The following CELF5 variants were observed in gnomAD, a reference collection of about 807,000 sequenced individuals.
The protein encoded by CELF5 is CUG-BP and ETR-3 like factor 5.
CELF5 carries 6 observed loss-of-function variants against 54.9 expected under a neutral mutation model. The observed-to-expected ratio is 0.11, with a 90% CI of 0.06 to 0.22. CELF5 has a LOEUF of 0.22. CELF5 is among the 10% of genes least tolerant of loss of function. The probability of loss-of-function intolerance (pLI) is 1.00; values close to 1 mark genes in which losing one functional copy is unlikely to be tolerated. For synonymous variants in CELF5, 271 were observed against 290.9 expected, an observed-to-expected ratio of 0.93 and a Z score of 0.70; for missense variants, 401 against 678.6, an observed-to-expected ratio of 0.59 and a Z score of 4.54.
chr19:3,263,229 A>G (rs1043314641), intron 2 of CELF5, among the ~76,000 whole-genome samples: 2 of 144,518 alleles, frequency 1.4e-5, no homozygotes, highest in Non-Finnish European at 1.5e-5. Flanking sequence ...CCTGGGCAAC[A>G]GAGCGAGATT....
At position 3,267,574 on chromosome 19, in the gene CELF5, T is replaced by TC. The variant is rs375955237; in HGVS notation, c.343-6296dup. On this transcript the variant is annotated intron_variant, in intron 2 of 12. Coordinates refer to ENST00000292672, the MANE Select transcript of CELF5 (RefSeq NM_021938.4). ...GGACAGTGCGGGGAGGGGCAGAGGG[T>TC]CCAGCTTCTGTCCCTTGGCCAGTGA... Among the ~76,000 whole-genome samples, 113 of 152,204 alleles carry TC rather than the reference T, an allele frequency of 7.4e-4. 1 individual carries two copies. The highest frequency in any genetic ancestry group is 2.6e-3 in the African/African-American group (108 of 41,540).
At chr19:3,242,076 A>C (rs1325782324) in intron 1 of CELF5, among the ~76,000 whole-genome samples, 1 of 152,140 alleles carries the variant, frequency 6.6e-6, no homozygotes, top group Non-Finnish European at 1.5e-5. Context: ...TGCCCGGCCC[A>C]AGGTGGCACT....
chr19:3,259,979 T>C (rs1599430932), intron 2 of CELF5, among the ~76,000 whole-genome samples: 2 of 152,164 alleles, frequency 1.3e-5, no homozygotes, highest in Non-Finnish European at 2.9e-5. Flanking sequence ...GAGCCACATA[T>C]ATAATTTAAC....
At chr19:3,262,464 G>C (rs970009718) in intron 2 of CELF5, among the ~76,000 whole-genome samples, 24 of 152,206 alleles carry the variant, frequency 1.6e-4, no homozygotes, top group Admixed American at 1.6e-3. Context: ...CTGGGTTACA[G>C]AGCACAGATC....
At chr19:3,251,652 C>CTTTTTTTTTTTT (rs1195812856) in intron 2 of CELF5, among the ~76,000 whole-genome samples, 73 of 67,082 alleles carry the variant, frequency 1.1e-3, no homozygotes, top group East Asian at 6.8e-3. Context: ...ACAAGGGCTT[C>CTTTTTTTTTTTT]TTTTTTTTTT....
At position 3,268,655 on chromosome 19, in the gene CELF5, T is replaced by A. The variant is rs2079915987; in HGVS notation, c.343-5217T>A. ...TCATTTGTGGACCCTGGGCTAAGGG[T>A]CTTGGTGGGGAACGGAGGGTCACAA... On this transcript the variant is annotated intron_variant, in intron 2 of 12. Transcript: ENST00000292672. This position sits in a 1 kb window ranked among gnomAD's most constrained non-coding sequence, Gnocchi z 4.4. Among the ~76,000 whole-genome samples, 3 of 151,864 alleles carry A rather than the reference T, an allele frequency of 2.0e-5. No individual in the cohort carries two copies. The highest frequency in any genetic ancestry group is 2.0e-4 in the Admixed American group (3 of 15,258).
In CELF5 at chr19:3,275,754, T is replaced by A; in HGVS notation, c.395-102T>A. On this transcript the variant is annotated intron_variant, in intron 3 of 12. Transcript: ENST00000292672. This position sits in a 1 kb window ranked among gnomAD's most constrained non-coding sequence, Gnocchi z 6.7. ...GAGCCGGCAGGGCCCGGGCGCCGCGTCTTCCTGCCCTGCCGCCTCCACTCT... is the reference window on the plus strand; with the variant it reads ...GAGCCGGCAGGGCCCGGGCGCCGCGACTTCCTGCCCTGCCGCCTCCACTCT... 4 of 1,310,860 alleles carry A rather than the reference T, an allele frequency of 3.1e-6. No homozygotes were observed. The South Asian group carries it at 6.1e-5, about 20-fold the overall frequency. 81.2% of individuals were successfully genotyped at this position (1,310,860 alleles called of 1,614,324 possible). A position where few individuals can be genotyped will look rare whatever the true frequency, so the allele number is the denominator to read the frequency against.
chr19:3,283,406 A>G (rs955610494), intron 8 of CELF5, among the ~76,000 whole-genome samples: 15 of 152,118 alleles, frequency 9.9e-5, no homozygotes, highest in African/African-American at 3.1e-4. Flanking sequence ...GCTGGAGTGC[A>G]GTGGTGTCGT....
chr19:3,290,416 C>G, intron 11 of CELF5, 42 bp downstream of exon 11: 1 of 1,607,584 alleles, frequency 6.2e-7, no homozygotes. Context: ...CCACCTCCCT[C>G]GCCTGCCCCC....
At chr19:3,242,232 G>C (rs766321743) in intron 1 of CELF5, among the ~76,000 whole-genome samples, 8 of 152,158 alleles carry the variant, frequency 5.3e-5, no homozygotes, top group Non-Finnish European at 1.0e-4. Context: ...AGACTACCTA[G>C]ATTTAAGCCC....
At chr19:3,258,103 GC>G (rs1176407136) in intron 2 of CELF5, among the ~76,000 whole-genome samples, 1 of 151,864 alleles carries the variant, frequency 6.6e-6, no homozygotes, top group African/African-American at 2.4e-5. Flanking sequence ...AATTACAGGT[GC>G]CTGCCACCAA....
In CELF5 at chr19:3,278,922, G is replaced by A. The variant is rs1050853290; in HGVS notation, c.603+812G>A. On this transcript the variant is annotated intron_variant, in intron 5 of 12. Coordinates refer to ENST00000292672, the MANE Select transcript of CELF5 (RefSeq NM_021938.4). The surrounding 1 kb of genome is among the most constrained non-coding windows in gnomAD (Gnocchi z 4.5). Reference sequence around the variant, plus strand: ...GGGAGGTGGCAACAGGTAGCCCAGAGGAGCCATAGAAGATGGGGCCGCAAT... The same window carrying A: ...GGGAGGTGGCAACAGGTAGCCCAGAAGAGCCATAGAAGATGGGGCCGCAAT... 6.6e-6 allele frequency among the ~76,000 whole-genome samples: 1 copy of A among 152,212 alleles called. No individual in the cohort carries two copies. Among genetic ancestry groups the A allele is most frequent in the East Asian group, 1.9e-4 (1 of 5,198 alleles).
intron 1 of CELF5, among the ~76,000 whole-genome samples, chr19:3,230,903 G>A (rs764240713): frequency 3.9e-5 from 6 of 152,172 alleles, no homozygotes; most frequent in Admixed American, 6.5e-5. Flanking sequence ...AAGCACAGGA[G>A]GAGATCGGAG....
At chr19:3,234,905 G>A (rs370812687) in intron 1 of CELF5, among the ~76,000 whole-genome samples, 66 of 152,004 alleles carry the variant, frequency 4.3e-4, no homozygotes, top group Middle Eastern at 3.4e-3. Flanking sequence ...CCCACAGTCT[G>A]TCCTCCCCGC....
chr19:3,226,070 C>T (rs967308700), intron 1 of CELF5, among the ~76,000 whole-genome samples: 2 of 151,924 alleles, frequency 1.3e-5, no homozygotes, highest in African/African-American at 4.8e-5. Flanking sequence ...GACAGCCTTC[C>T]GGTCAGGTGT....
At chr19:3,264,014 C>A (rs1353502998) in intron 2 of CELF5, among the ~76,000 whole-genome samples, 1 of 152,188 alleles carries the variant, frequency 6.6e-6, no homozygotes, top group Admixed American at 6.6e-5. Flanking sequence ...CACTACCCAG[C>A]CGGTCCTCTG....
At chr19:3,251,120 T>G (rs2145062255) in intron 2 of CELF5, 53 bp downstream of exon 2, 1 of 1,336,312 alleles carries the variant, frequency 7.5e-7, no homozygotes, top group Non-Finnish European at 1.1e-6. Flanking sequence ...GCTCTCAGCC[T>G]GGGGTGGGAG....
At chr19:3,258,523 A>G (rs192649341) in intron 2 of CELF5, among the ~76,000 whole-genome samples, 1 of 152,280 alleles carries the variant, frequency 6.6e-6, no homozygotes, top group Admixed American at 6.5e-5. Context: ...CCTTCATTTA[A>G]TTACATCTGC....
chr19:3,265,363 G>T (rs1469662978), intron 2 of CELF5, among the ~76,000 whole-genome samples: 4 of 152,156 alleles, frequency 2.6e-5, no homozygotes, highest in Non-Finnish European at 4.4e-5. Flanking sequence ...GGGTGAGCTG[G>T]TGATGTTAGC....
Sources: gnomAD v4.1 joint callset for allele counts (sites outside exome capture counted in the v4.1 genomes callset) on GRCh38, gnomAD v4.1.1 for gene constraint, Gnocchi (gnomAD v3.1) non-coding constraint, MANE v1.5 for transcripts, NCBI Gene and HGNC (gene_info 2026-07-23, HGNC 2026-07-21) for gene names.